The following NDUFA9 variants were observed in gnomAD, a reference collection of about 807,000 sequenced individuals.
The protein encoded by NDUFA9 is NADH dehydrogenase [ubiquinone] 1 alpha subcomplex subunit 9, mitochondrial.
In NDUFA9, 23 loss-of-function variants were observed where a neutral mutation model predicts 45.9. That is an observed-to-expected ratio of 0.50 (90% CI 0.36 to 0.71). NDUFA9 has a LOEUF of 0.71. NDUFA9 is among the 30% of genes least tolerant of loss of function. NDUFA9 has a pLI of 0.00. For missense variants in NDUFA9, 466 were observed against 488.2 expected (o/e 0.95, Z 0.43); for synonymous variants, 176 against 170.5 (o/e 1.03, Z -0.25).
At chr12:4,657,111 ATTAC>A (rs1945794991) in intron 3 of NDUFA9, 1 of 152,228 alleles carries the variant, frequency 6.6e-6, no homozygotes, top group South Asian at 2.1e-4. Flanking sequence ...AGAAATTCTT[ATTAC>A]TTGTTATCTT....
chr12:4,672,905 G>T (rs1317607248), intron 8 of NDUFA9, among the ~76,000 whole-genome samples: 1 of 152,202 alleles, frequency 6.6e-6, no homozygotes, highest in African/African-American at 2.4e-5. Flanking sequence ...GCCTCCTCAA[G>T]TGGATCCCTG....
At chr12:4,654,575 C>T (rs1945778463) in intron 2 of NDUFA9, 113 bp downstream of exon 2, 20 of 1,232,620 alleles carry the variant, frequency 1.6e-5, no homozygotes, top group Non-Finnish European at 2.3e-5. Flanking sequence ...TTACTCCTGT[C>T]TTGGATGTAT....
At chr12:4,683,141 A>T (rs544569470) in intron 9 of NDUFA9, among the ~76,000 whole-genome samples, 1 of 151,170 alleles carries the variant, frequency 6.6e-6, no homozygotes, top group Non-Finnish European at 1.5e-5. Flanking sequence ...AGGAGTTTGA[A>T]TCCAGCCTGG....
chr12:4,671,540 A>G (rs1945887076), intron 8 of NDUFA9, among the ~76,000 whole-genome samples: 1 of 152,180 alleles, frequency 6.6e-6, no homozygotes, highest in Non-Finnish European at 1.5e-5. Flanking sequence ...TTGATTGACA[A>G]ATTCAACTTA....
At chr12:4,674,961 A>G (rs1945910205) in intron 8 of NDUFA9, among the ~76,000 whole-genome samples, 1 of 152,242 alleles carries the variant, frequency 6.6e-6, no homozygotes, top group Non-Finnish European at 1.5e-5. Context: ...AGAAATCATA[A>G]CAGTCTCTCA....
intron 1 of NDUFA9, among the ~76,000 whole-genome samples, chr12:4,653,252 G>A (rs918218923): frequency 2.6e-5 from 4 of 152,238 alleles, no homozygotes; most frequent in South Asian, 2.1e-4. Context: ...AAAATATTTA[G>A]TGGGGCTATA....
chr12:4,685,120 A>C (rs1311708579), intron 9 of NDUFA9, 139 bp from the exon 10 acceptor site: 14 of 757,436 alleles, frequency 1.8e-5, no homozygotes, highest in Admixed American at 1.6e-4. Context: ...TCACAGGTCG[A>C]GGTGGTTATT....
intron 9 of NDUFA9, 25 bp from the exon 10 acceptor site, chr12:4,685,234 G>A: frequency 6.3e-7 from 1 of 1,589,756 alleles, no homozygotes; most frequent in Non-Finnish European, 8.6e-7. Context: ...CTTATCACAT[G>A]TGCTATATGT....
chr12:4,666,109 T>C (rs1945851787), intron 6 of NDUFA9, among the ~76,000 whole-genome samples: 1 of 152,214 alleles, frequency 6.6e-6, no homozygotes, highest in Non-Finnish European at 1.5e-5. Flanking sequence ...CTGGCAACAA[T>C]GTGGTTTTGA....
intron 9 of NDUFA9, among the ~76,000 whole-genome samples, chr12:4,684,526 T>C (rs1312980709): frequency 3.3e-5 from 5 of 152,120 alleles, no homozygotes. Context: ...TCCCAGCTAC[T>C]TGGGAGGCTG....
intron 6 of NDUFA9, among the ~76,000 whole-genome samples, chr12:4,663,282 T>C (rs1179912705): frequency 6.6e-6 from 1 of 152,180 alleles, no homozygotes. Flanking sequence ...CCACCTAACA[T>C]CTGTAATAAT....
chr12:4,671,842 T>C (rs1393749301), intron 8 of NDUFA9, among the ~76,000 whole-genome samples: 2 of 152,086 alleles, frequency 1.3e-5, no homozygotes, highest in Non-Finnish European at 2.9e-5. Flanking sequence ...TTTTGGGATA[T>C]CCACATTAAA....
intron 8 of NDUFA9, among the ~76,000 whole-genome samples, chr12:4,675,254 G>T (rs1945912207): frequency 6.6e-6 from 1 of 152,164 alleles, no homozygotes; most frequent in South Asian, 2.1e-4. Context: ...ACATTTAAAA[G>T]AACTAGAGAA....
chr12:4,649,700 A>G (rs572246549), intron 1 of NDUFA9, among the ~76,000 whole-genome samples: 127 of 152,286 alleles, frequency 8.3e-4, no homozygotes, highest in Non-Finnish European at 1.1e-3. Flanking sequence ...TTTTACCCAA[A>G]AGCGTCTCTA....
chr12:4,669,705 A>T, intron 7 of NDUFA9, 36 bp from the exon 8 acceptor site: 1 of 1,344,720 alleles, frequency 7.4e-7, no homozygotes, highest in Non-Finnish European at 1.1e-6. Context: ...TCTCTTTTTC[A>T]ACAATTACTT....
At chr12:4,649,205 G>A in intron 1 of NDUFA9, 30 bp downstream of exon 1, 1 of 1,592,690 alleles carries the variant, frequency 6.3e-7, no homozygotes, top group Non-Finnish European at 8.6e-7. Context: ...GCGGCCCCTG[G>A]TCGGGATTCC....
rs985175329 is a variant in NDUFA9 at position 4,674,635 on chromosome 12, A to G, written c.800+4818A>G. Reference sequence around the variant, plus strand: ...GAAGAGCTAACTATCCTGAATATATATGCTCCCAATACAGGAGCACCCAGA... The same window carrying G: ...GAAGAGCTAACTATCCTGAATATATGTGCTCCCAATACAGGAGCACCCAGA... On this transcript the variant is annotated intron_variant, in intron 8 of 10. Transcript: ENST00000266544. Among the ~76,000 whole-genome samples the G allele has an allele frequency of 2.0e-5, 3 of 152,226 alleles. No individual in the cohort carries two copies. The East Asian group carries it at 5.8e-4, about 29-fold the overall frequency.
intron 8 of NDUFA9, among the ~76,000 whole-genome samples, chr12:4,677,821 A>G (rs1945929255): frequency 6.6e-6 from 1 of 152,242 alleles, no homozygotes; most frequent in Non-Finnish European, 1.5e-5. Flanking sequence ...TTATTCTAGT[A>G]TAAAGCCACA....
At position 4,687,669 on chromosome 12, in the gene NDUFA9, C is replaced by T. The variant is rs889434989; in HGVS notation, c.*561C>T. ...TGGATCTGAGCTATCTGAGGCCAGC[C>T]CGATGCCCTTAGTACCACATCTGGA... On this transcript the variant is annotated 3_prime_UTR_variant, in exon 11 of 11. Coordinates refer to ENST00000266544, the MANE Select transcript of NDUFA9 (RefSeq NM_005002.5). 6.6e-6 allele frequency: 1 copy of T among 152,200 alleles called. No individual in the cohort carries two copies. The highest frequency in any genetic ancestry group is 6.5e-5 in the Admixed American group (1 of 15,286). The allele number at this position is 152,200 out of a possible 1,614,324, so 9.4% of individuals were successfully genotyped here. A position where few individuals can be genotyped will look rare whatever the true frequency, so the allele number is the denominator to read the frequency against.
Sources: gnomAD v4.1 joint callset for allele counts (sites outside exome capture counted in the v4.1 genomes callset) on GRCh38, gnomAD v4.1.1 for gene constraint, MANE v1.5 for transcripts, NCBI Gene and HGNC (gene_info 2026-07-23, HGNC 2026-07-21) for gene names.